ARHGEF9: variants seen among roughly 807,000 people sequenced by gnomAD.
ARHGEF9 encodes Cdc42 guanine nucleotide exchange factor 9.
A neutral mutation model predicts 41.3 loss-of-function variants in ARHGEF9; 2 were observed. The observed-to-expected ratio is 0.05, with a 90% CI of 0.02 to 0.15. The LOEUF (loss-of-function observed/expected upper bound fraction) is 0.15. ARHGEF9 is among the 10% of genes least tolerant of loss of function. ARHGEF9 has a pLI of 1.00. For missense variants in ARHGEF9, 225 were observed against 424.7 expected (o/e 0.53, Z 4.13); for synonymous variants, 160 against 154.4 (o/e 1.04, Z -0.27).
intron 8 of ARHGEF9, among the ~76,000 whole-genome samples, chrX:63,650,320 A>T (rs1190239318): frequency 1.8e-5 from 2 of 111,756 alleles, no homozygotes; most frequent in Non-Finnish European, 3.8e-5. Flanking sequence ...AATGTGGCAT[A>T]TATACACGAT....
chrX:63,782,185 A>G (rs1556462621), intron 1 of ARHGEF9, among the ~76,000 whole-genome samples: 1 of 111,359 alleles, frequency 9.0e-6, no homozygotes, highest in Non-Finnish European at 1.9e-5. Context: ...TTTCATTGTG[A>G]TCTCCCCTGA....
intron 1 of ARHGEF9, among the ~76,000 whole-genome samples, chrX:63,783,695 G>C (rs1320556421): frequency 8.9e-6 from 1 of 111,872 alleles, no homozygotes; most frequent in Non-Finnish European, 1.9e-5. Context: ...GCAGTCAGGA[G>C]ACTCAAGTGC....
intron 7 of ARHGEF9, 100 bp from the exon 8 acceptor site, chrX:63,655,837 G>T: frequency 9.3e-7 from 1 of 1,071,713 alleles, no homozygotes; most frequent in South Asian, 1.9e-5. Context: ...TCACCGTTTT[G>T]AAGTACCAAT....
chrX:63,784,487 C>T (rs1421188564), intron 1 of ARHGEF9, among the ~76,000 whole-genome samples: 1 of 112,498 alleles, frequency 8.9e-6, no homozygotes, highest in Non-Finnish European at 1.9e-5. Flanking sequence ...ATGTGGGTTT[C>T]TGCAGCTGTC....
chrX:63,770,975 A>G (rs1410265256), intron 1 of ARHGEF9, among the ~76,000 whole-genome samples: 1 of 112,420 alleles, frequency 8.9e-6, no homozygotes, highest in Non-Finnish European at 1.9e-5. Flanking sequence ...ACAAACTAAT[A>G]CAGTACATTT....
intron 2 of ARHGEF9, among the ~76,000 whole-genome samples, chrX:63,717,810 T>G (rs2053404450): frequency 8.9e-6 from 1 of 111,810 alleles, no homozygotes. Flanking sequence ...TGTTGTTATA[T>G]CCTCAATTTA....
intron 1 of ARHGEF9, among the ~76,000 whole-genome samples, chrX:63,760,647 A>G (rs782554396): frequency 4.5e-5 from 5 of 111,662 alleles, no homozygotes; most frequent in African/African-American, 1.6e-4. Context: ...GGAAAAAGAG[A>G]TCATCTCCTC....
chrX:63,697,053 G>T lies in ARHGEF9; in HGVS notation c.582+72C>A, dbSNP rs1251909711. Reference sequence around the variant, plus strand: ...AGGAAAAAGGAGCTGAACAGAACCAGACAGCTCAAACGCTCCTTCCATTGT... The same window carrying T: ...AGGAAAAAGGAGCTGAACAGAACCATACAGCTCAAACGCTCCTTCCATTGT... On this transcript the variant is annotated intron_variant, in intron 4 of 9. Transcript: ENST00000671741. 2.7e-6 allele frequency: 3 copies of T among 1,104,851 alleles called. No homozygotes were observed. In the Admixed American group the frequency reaches 7.8e-5, roughly 29 times the overall value. 91.1% of individuals were successfully genotyped at this position (1,104,851 alleles called of 1,213,427 possible).
rs781978470 is a variant in ARHGEF9 at position 63,644,071 on chromosome X, T to G, written c.1322-23A>C. On this transcript the variant is annotated intron_variant, in intron 8 of 9. Transcript: ENST00000671741. ...AGCCTAAAAAAGAAAAATATATGAT[T>G]TTTTAAATGAGAAACACACACCCTT... 6 of 1,161,868 alleles carry G rather than the reference T, an allele frequency of 5.2e-6. No homozygotes were observed. In the South Asian group the frequency reaches 7.2e-5, roughly 14 times the overall value.
chrX:63,649,526 A>G (rs1237973692), intron 8 of ARHGEF9, among the ~76,000 whole-genome samples: 1 of 111,880 alleles, frequency 8.9e-6, no homozygotes, highest in African/African-American at 3.2e-5. Flanking sequence ...CACAATTAAA[A>G]GAACTAGAGA....
At chrX:63,685,184 T>C (rs1421466649) in intron 4 of ARHGEF9, among the ~76,000 whole-genome samples, 3 of 111,747 alleles carry the variant, frequency 2.7e-5, no homozygotes, top group Non-Finnish European at 5.7e-5. Context: ...ACTGTAGTCA[T>C]CACTTCATCA....
chrX:63,660,189 C>T (rs782321461), intron 7 of ARHGEF9, among the ~76,000 whole-genome samples: 1 of 111,932 alleles, frequency 8.9e-6, no homozygotes, highest in South Asian at 3.8e-4. Context: ...GGTACATATA[C>T]ACCATAAAAT....
chrX:63,677,956 T>A (rs1298608535), intron 5 of ARHGEF9, among the ~76,000 whole-genome samples: 5 of 112,053 alleles, frequency 4.5e-5, no homozygotes, highest in African/African-American at 1.6e-4. Flanking sequence ...CTTGGTCTCC[T>A]TGGGGCTAAC....
intron 1 of ARHGEF9, among the ~76,000 whole-genome samples, chrX:63,779,321 T>C (rs1336637388): frequency 8.9e-6 from 1 of 112,570 alleles, no homozygotes; most frequent in Non-Finnish European, 1.9e-5. Flanking sequence ...ATAGGTTTAA[T>C]GGACTCACAG....
chrX:63,646,159 T>A (rs1368098253), intron 8 of ARHGEF9, among the ~76,000 whole-genome samples: 13 of 111,634 alleles, frequency 1.2e-4, no homozygotes, highest in South Asian at 3.8e-4. Flanking sequence ...ATTGCAAAAA[T>A]TTTCTCCCAT....
chrX:63,723,359 C>T (rs1556414855), intron 2 of ARHGEF9, among the ~76,000 whole-genome samples: 1 of 111,198 alleles, frequency 9.0e-6, no homozygotes, highest in Admixed American at 9.5e-5. Context: ...ACTCCAAATG[C>T]CCTGTTCCTT....
chrX:63,665,707 C>T (rs1231551216), intron 7 of ARHGEF9, among the ~76,000 whole-genome samples, 179 bp downstream of exon 7: 10 of 112,077 alleles, frequency 8.9e-5, no homozygotes, highest in African/African-American at 3.2e-4. Flanking sequence ...ACAAGCCAAC[C>T]CTGCCTGTGA....
At chrX:63,778,481 C>T (rs1290358185) in intron 1 of ARHGEF9, among the ~76,000 whole-genome samples, 1 of 112,351 alleles carries the variant, frequency 8.9e-6, no homozygotes, top group African/African-American at 3.2e-5. Context: ...TAACATTTGG[C>T]TCCTTGTTAC....
intron 1 of ARHGEF9, among the ~76,000 whole-genome samples, chrX:63,769,484 A>C (rs2056167610): frequency 8.9e-6 from 1 of 112,437 alleles, no homozygotes; most frequent in Non-Finnish European, 1.9e-5. Flanking sequence ...AGCAGGCTGC[A>C]GAAATTTGCG....
Sources: allele counts gnomAD v4.1 joint callset (sites outside exome capture counted in the v4.1 genomes callset), GRCh38; gene constraint gnomAD v4.1.1; transcripts MANE v1.5; gene names NCBI Gene and HGNC (gene_info 2026-07-23, HGNC 2026-07-21).